Variants in GLRA1 observed in about 807,000 individuals in gnomAD.
GLRA1 encodes glycine receptor subunit alpha-1.
A neutral mutation model predicts 48.3 loss-of-function variants in GLRA1; 37 were observed. The ratio of observed to expected loss-of-function variants is 0.77; its 90% CI spans 0.59 to 1.01. GLRA1 has a LOEUF of 1.01. Ranked by LOEUF, GLRA1 falls within the 50% of genes least tolerant of loss-of-function variation. The pLI is 0.00. For synonymous variants in GLRA1, 196 were observed against 210.7 expected (o/e 0.93, Z 0.60); for missense variants, 427 against 571.0 (o/e 0.75, Z 2.57).
intron 1 of GLRA1, among the ~76,000 whole-genome samples, chr5:151,897,425 A>G (rs999781005): frequency 6.6e-6 from 1 of 152,148 alleles, no homozygotes; most frequent in African/African-American, 2.4e-5. Context: ...AAATTTTCTG[A>G]ACCTTATAAC....
intron 3 of GLRA1, among the ~76,000 whole-genome samples, chr5:151,874,065 G>A (rs1753562580): frequency 6.6e-6 from 1 of 152,140 alleles, no homozygotes; most frequent in African/African-American, 2.4e-5. Flanking sequence ...AGGAAGCCAG[G>A]CTGGGGAAGG....
intron 1 of GLRA1, among the ~76,000 whole-genome samples, chr5:151,906,905 G>C (rs11956962): frequency 2.6e-5 from 4 of 152,182 alleles, no homozygotes; most frequent in African/African-American, 9.7e-5. Flanking sequence ...CTTTTAAAGA[G>C]CAAGATGGCT....
intron 1 of GLRA1, among the ~76,000 whole-genome samples, chr5:151,894,139 ATGTGTGTGTGCGTG>A (rs889549229): frequency 2.0e-5 from 3 of 151,944 alleles, no homozygotes; most frequent in African/African-American, 7.3e-5. Flanking sequence ...ATATGAATGT[ATGTGTGTGTGCGTG>A]TGTGTGTGTG....
rs76087720 is a variant in GLRA1, at chr5:151,892,742, G to A, written c.57-304C>T. On this transcript the variant is annotated intron_variant, in intron 1 of 8. Coordinates refer to ENST00000274576, the MANE Select transcript of GLRA1 (RefSeq NM_000171.4). ...ACTTGGCAGCTGGGTGTCCCTGGGA[G>A]AGAAGATTGGAGGGTTAGTCTTTTG... 8.7e-3 allele frequency among the ~76,000 whole-genome samples: 1,327 copies of A among 152,288 alleles called. 13 individuals carry two copies. The highest frequency in any genetic ancestry group is 0.014 in the Admixed American group (208 of 15,296).
chr5:151,881,050 G>A (rs985194125), intron 3 of GLRA1, among the ~76,000 whole-genome samples: 7 of 152,090 alleles, frequency 4.6e-5, no homozygotes, highest in African/African-American at 1.4e-4. Flanking sequence ...ATTTCTCTTT[G>A]AAGTTACATG....
intron 3 of GLRA1, among the ~76,000 whole-genome samples, chr5:151,870,771 T>C (rs2113377976): frequency 6.7e-6 from 1 of 149,882 alleles, no homozygotes; most frequent in South Asian, 2.1e-4. Flanking sequence ...TAGAACTCTC[T>C]CTGGCCTGGA....
At chr5:151,881,669 C>T (rs1048318705) in intron 3 of GLRA1, among the ~76,000 whole-genome samples, 2 of 152,046 alleles carry the variant, frequency 1.3e-5, no homozygotes, top group Admixed American at 1.3e-4. Context: ...CTTTTACCTT[C>T]CTCTTGCTGC....
chr5:151,907,879 T>G (rs1324938654), intron 1 of GLRA1, among the ~76,000 whole-genome samples: 2 of 152,240 alleles, frequency 1.3e-5, no homozygotes, highest in African/African-American at 4.8e-5. Context: ...CCAGGATTCT[T>G]TCTAGCAGGC....
chr5:151,924,431 T>A (rs1244013286), intron 1 of GLRA1, 63 bp downstream of exon 1: 4 of 979,456 alleles, frequency 4.1e-6, no homozygotes, highest in Non-Finnish European at 5.0e-6. Context: ...CGGACAGAGG[T>A]AGCCTCCGTA....
At chr5:151,828,852 A>G (rs1763341757) in intron 8 of GLRA1, 69 bp downstream of exon 8, 3 of 1,471,720 alleles carry the variant, frequency 2.0e-6, no homozygotes, top group Non-Finnish European at 2.8e-6. Context: ...ATAACACAAG[A>G]CAATACTGCT....
At chr5:151,923,811 G>C (rs773528097) in intron 1 of GLRA1, among the ~76,000 whole-genome samples, 3 of 152,160 alleles carry the variant, frequency 2.0e-5, no homozygotes, top group Non-Finnish European at 4.4e-5. Context: ...GTGGGTTGGG[G>C]AAAGAGGCAG....
intron 8 of GLRA1, among the ~76,000 whole-genome samples, chr5:151,824,944 G>A (rs1279553577): frequency 1.3e-5 from 2 of 152,056 alleles, no homozygotes; most frequent in Admixed American, 1.3e-4. Context: ...CAGCTTTAGT[G>A]TCCTTTTTTG....
rs139432828 is a variant in GLRA1 at position 151,886,641 on chromosome 5, G to A, written c.252+80C>T. 4.7e-4 allele frequency: 498 copies of A among 1,067,976 alleles called. 5 individuals are homozygous for A. The Middle Eastern group carries it at 4.8e-3, about 10-fold the overall frequency. The allele number at this position is 1,067,976 out of a possible 1,614,324, so 66.2% of individuals were successfully genotyped here. On this transcript the variant is annotated intron_variant, in intron 3 of 8. Transcript: ENST00000274576. Reference sequence around the variant, plus strand: ...CCAGCTGATTCCCCACTTCCTTGGTGGAGACCAATGCAGAGGATAAATATT... The same window carrying A: ...CCAGCTGATTCCCCACTTCCTTGGTAGAGACCAATGCAGAGGATAAATATT...
At chr5:151,923,691 A>G (rs1386793623) in intron 1 of GLRA1, among the ~76,000 whole-genome samples, 5 of 152,244 alleles carry the variant, frequency 3.3e-5, no homozygotes, top group Non-Finnish European at 7.3e-5. Context: ...CCTGAGAGAC[A>G]GTGGATGGGA....
intron 8 of GLRA1, among the ~76,000 whole-genome samples, chr5:151,824,735 C>G (rs1234924504): frequency 6.6e-6 from 1 of 152,108 alleles, no homozygotes; most frequent in Non-Finnish European, 1.5e-5. Flanking sequence ...GTATATATCT[C>G]CGTCTTTTTT....
At chr5:151,849,284 TTC>T (rs1437303010) in intron 7 of GLRA1, among the ~76,000 whole-genome samples, 3 of 131,110 alleles carry the variant, frequency 2.3e-5, no homozygotes, top group Non-Finnish European at 3.3e-5. Context: ...CTTCCTTTCT[TTC>T]TCTCTCTTCT....
chr5:151,911,899 C>T (rs144512987), intron 1 of GLRA1, among the ~76,000 whole-genome samples: 3,731 of 152,000 alleles, frequency 0.025, 83 homozygotes, highest in Non-Finnish European at 0.041. Context: ...TGAGCCACCG[C>T]GCCCGGCCCC....
chr5:151,828,028 G>C (rs1188376452), intron 8 of GLRA1, among the ~76,000 whole-genome samples: 1 of 152,152 alleles, frequency 6.6e-6, no homozygotes, highest in Non-Finnish European at 1.5e-5. Flanking sequence ...CACGGTCTCT[G>C]CCTTTATGGA....
chr5:151,823,049 C>G (rs1043554876), intron 8 of GLRA1, 86 bp from the exon 9 acceptor site: 3 of 1,197,402 alleles, frequency 2.5e-6, no homozygotes, highest in Non-Finnish European at 3.5e-6. Flanking sequence ...GGGGGCCAGG[C>G]CATGCCTATC....
Sources: allele counts gnomAD v4.1 joint callset (sites outside exome capture counted in the v4.1 genomes callset), GRCh38; gene constraint gnomAD v4.1.1; transcripts MANE v1.5; gene names NCBI Gene and HGNC (gene_info 2026-07-23, HGNC 2026-07-21).